GALNT15: variants seen among roughly 807,000 people sequenced by gnomAD.
The protein encoded by GALNT15 is UDP-GalNAc transferase T15.
GALNT15 carries 67 observed loss-of-function variants against 66.8 expected under a neutral mutation model. That is an observed-to-expected ratio of 1.00 (90% CI 0.82 to 1.23). The LOEUF (loss-of-function observed/expected upper bound fraction) is 1.23, where lower values mean the gene tolerates loss of function less well. GALNT15 is among the 50% of genes most tolerant of loss of function. The pLI is 0.00. For missense variants in GALNT15, 827 were observed against 804.3 expected (o/e 1.03, Z -0.34); for synonymous variants, 313 against 311.5 (o/e 1.00, Z -0.05).
chr3:16,176,553 T>G lies in GALNT15; in HGVS notation c.539+863T>G, dbSNP rs1416852220. Among the ~76,000 whole-genome samples the G allele has an allele frequency of 1.3e-5, 2 of 152,192 alleles. No individual in the cohort carries two copies. The highest frequency in any genetic ancestry group is 2.4e-5 in the African/African-American group (1 of 41,454). Reference sequence around the variant, plus strand: ...CAGGAGGTAAGCTGAGAAGTGTAGGTGATGGGCAGAGCTGTGCCCAGGGAG... The same window carrying G: ...CAGGAGGTAAGCTGAGAAGTGTAGGGGATGGGCAGAGCTGTGCCCAGGGAG... On this transcript the variant is annotated intron_variant, in intron 1 of 9. Transcript: ENST00000339732. The surrounding 1 kb of genome is among the most constrained non-coding windows in gnomAD (Gnocchi z 5.6).
rs1441269350 is a variant in GALNT15, at chr3:16,200,757, T to A, written c.845T>A (p.Met282Lys). Residue 282 changes from methionine to lysine, a missense_variant, in exon 3 of 10, where the codon ATG becomes AAG. Physicochemically the swap from Met to Lys is moderately conservative, Grantham distance 95. Coordinates refer to ENST00000339732, the MANE Select transcript of GALNT15 (RefSeq NM_054110.5). The surrounding 1 kb of genome is among the most constrained non-coding windows in gnomAD (Gnocchi z 4.4). ...TRATGDVLVF[M>K]DAHCECHPGW... Reference sequence around the variant, plus strand: ...GCCACCGGGGATGTGCTCGTCTTCATGGATGCCCACTGCGAGTGCCACCCA... The same window carrying A: ...GCCACCGGGGATGTGCTCGTCTTCAAGGATGCCCACTGCGAGTGCCACCCA... The A allele has an allele frequency of 2.5e-6, 4 of 1,612,846 alleles. No homozygotes were observed. Among genetic ancestry groups the A allele is most frequent in the Non-Finnish European group, 3.4e-6 (4 of 1,179,490 alleles).
chr3:16,192,233 C>A (rs12486009), intron 1 of GALNT15, among the ~76,000 whole-genome samples: 11,081 of 152,278 alleles, frequency 0.073, 585 homozygotes, highest in South Asian at 0.23. Flanking sequence ...GTGCATAACA[C>A]ACACTTGTGT....
the GALNT15 span, among the ~76,000 whole-genome samples, chr3:16,246,628 G>C: frequency 6.6e-6 from 1 of 152,014 alleles, no homozygotes; most frequent in Non-Finnish European, 1.5e-5. Flanking sequence ...AGCCTGAAAA[G>C]GATTTTAAAT....
chr3:16,203,330 A>G lies in GALNT15; in HGVS notation c.911+2507A>G, dbSNP rs2063721224. ...GGCCCCATTTCCCAGAGCTAGGTGA[A>G]GGTAGAAAGACGTGGCACTACCTCA... is the stretch of plus-strand genomic sequence containing the variant. On this transcript the variant is annotated intron_variant, in intron 3 of 9. Coordinates refer to ENST00000339732, the MANE Select transcript of GALNT15 (RefSeq NM_054110.5). The surrounding 1 kb of genome is among the most constrained non-coding windows in gnomAD (Gnocchi z 6.2). Among the ~76,000 whole-genome samples, 2 of 152,014 alleles carry G rather than the reference A, an allele frequency of 1.3e-5. No individual in the cohort carries two copies. The highest frequency in any genetic ancestry group is 2.9e-5 in the Non-Finnish European group (2 of 68,010).
At chr3:16,226,452 T>C (rs942649432) in intron 9 of GALNT15, among the ~76,000 whole-genome samples, 3 of 152,014 alleles carry the variant, frequency 2.0e-5, no homozygotes, top group African/African-American at 4.8e-5. Flanking sequence ...ACAGGAAGCA[T>C]GGCTGAGGAG....
chr3:16,233,257 G>T (rs1263605421), downstream of GALNT15, among the ~76,000 whole-genome samples: 3 of 151,548 alleles, frequency 2.0e-5, no homozygotes, highest in African/African-American at 7.3e-5. Flanking sequence ...ACCACGCCTG[G>T]CTAATTTTTG....
chr3:16,224,566 G>A lies in GALNT15; in HGVS notation c.1773+1808G>A, dbSNP rs1048598612. On this transcript the variant is annotated intron_variant, in intron 9 of 9. Transcript: ENST00000339732. The surrounding 1 kb of genome is among the most constrained non-coding windows in gnomAD (Gnocchi z 5.2). The stretch of plus-strand genomic sequence containing the variant: ...TTATAGAGTTTCACTTTTACAAGAT[G>A]AAAAAGTTCTGGATATCTGTTTCAT... 2.6e-5 allele frequency among the ~76,000 whole-genome samples: 4 copies of A among 151,368 alleles called. No homozygotes were observed. The highest frequency in any genetic ancestry group is 9.7e-5 in the African/African-American group (4 of 41,154).
At chr3:16,206,710 C>T (rs1347028458) in intron 3 of GALNT15, among the ~76,000 whole-genome samples, 1 of 138,746 alleles carries the variant, frequency 7.2e-6, no homozygotes, top group African/African-American at 2.7e-5. Flanking sequence ...GAAAGAAATA[C>T]ACAGCATAGA....
Position 16,199,556 on chromosome 3 carries a change from G to A in GALNT15, c.707-1063G>A, listed in dbSNP as rs185809720. 1.1e-3 allele frequency among the ~76,000 whole-genome samples: 163 copies of A among 142,450 alleles called. 24 individuals are homozygous for A. The highest frequency in any genetic ancestry group is 3.9e-3 in the African/African-American group (151 of 38,346). The allele number at this position is 142,450 out of a possible 152,430, so 93.5% of individuals were successfully genotyped here. On this transcript the variant is annotated intron_variant, in intron 2 of 9. Coordinates refer to ENST00000339732, the MANE Select transcript of GALNT15 (RefSeq NM_054110.5). Reference sequence around the variant, plus strand: ...TCCTGAAAGCAGGGCCTGAGATGGAGATTCACGTGCATTTGATTTTTTTGA... The same window carrying A: ...TCCTGAAAGCAGGGCCTGAGATGGAAATTCACGTGCATTTGATTTTTTTGA...
In GALNT15 at chr3:16,175,211, C is replaced by G; in HGVS notation, c.60C>G (p.Leu20=). ...GCAGACTCCAGTTCCTCCTGCTGCT[C>G]CTGATGCTGGGATGCGTCCTGATGA... ...RPCRLQFLLL[L]LMLGCVLMMV... Residue 20 remains leucine, a synonymous_variant, in exon 1 of 10, where the codon CTC becomes CTG. Transcript: ENST00000339732. The surrounding 1 kb of genome is among the most constrained non-coding windows in gnomAD (Gnocchi z 5.6). The G allele has an allele frequency of 6.2e-7, 1 of 1,614,182 alleles. No homozygotes were observed. The highest frequency in any genetic ancestry group is 8.5e-7 in the Non-Finnish European group (1 of 1,180,040).
chr3:16,244,848 G>C, the GALNT15 span, among the ~76,000 whole-genome samples: 1 of 152,186 alleles, frequency 6.6e-6, no homozygotes, highest in Non-Finnish European at 1.5e-5. Flanking sequence ...TAACTCCAAA[G>C]TTCAGTAAGG....
chr3:16,179,400 T>C (rs138053928), intron 1 of GALNT15, among the ~76,000 whole-genome samples: 3 of 152,280 alleles, frequency 2.0e-5, no homozygotes, highest in Non-Finnish European at 2.9e-5. Flanking sequence ...GCAAGTCACA[T>C]GGGCTGGAAG....
rs2124844319 is a variant in GALNT15, at chr3:16,185,124, C to T, written c.539+9434C>T. ...TTTCATTCATCTTTCAGTCCTAACA[C>T]ATAATAGGCTGTCAATAAATATCTG... is the stretch of plus-strand genomic sequence containing the variant. On this transcript the variant is annotated intron_variant, in intron 1 of 9. Transcript: ENST00000339732. Among the ~76,000 whole-genome samples the T allele has an allele frequency of 2.0e-5, 3 of 152,280 alleles. No individual in the cohort carries two copies. In the Middle Eastern group the frequency reaches 0.01, roughly 518 times the overall value.
chr3:16,179,848 C>T (rs1230964012), intron 1 of GALNT15, among the ~76,000 whole-genome samples: 6 of 152,070 alleles, frequency 3.9e-5, no homozygotes, highest in Admixed American at 2.6e-4. Context: ...ATGATGGAAC[C>T]GCAAACAGGA....
chr3:16,199,464 T>C (rs2063675956), intron 2 of GALNT15, among the ~76,000 whole-genome samples: 1 of 142,212 alleles, frequency 7.0e-6, no homozygotes, highest in Non-Finnish European at 1.6e-5. Context: ...ACCAATCTCC[T>C]ACCAGCTGCC....
chr3:16,241,629 A>G, the GALNT15 span, among the ~76,000 whole-genome samples: 1 of 151,980 alleles, frequency 6.6e-6, no homozygotes, highest in Non-Finnish European at 1.5e-5. The surrounding 1 kb of genome is among the most constrained non-coding windows in gnomAD (Gnocchi z 4.6). Context: ...GCTCACTGCA[A>G]CCTCTGCCTC....
chr3:16,238,855 G>A, the GALNT15 span, among the ~76,000 whole-genome samples: 1 of 152,212 alleles, frequency 6.6e-6, no homozygotes, highest in Non-Finnish European at 1.5e-5. The surrounding 1 kb of genome is among the most constrained non-coding windows in gnomAD (Gnocchi z 4.8). Context: ...CAGGTACAAG[G>A]AGCAGAATAA....
chr3:16,232,698 G>T (rs1342695528), downstream of GALNT15, among the ~76,000 whole-genome samples: 2 of 150,962 alleles, frequency 1.3e-5, no homozygotes, highest in Non-Finnish European at 3.0e-5. Flanking sequence ...TGATCCGCTG[G>T]CTCCAGTTTG....
rs1195807871 is a variant in GALNT15, at chr3:16,193,096, C to T, written c.540-2664C>T. 2.6e-5 allele frequency among the ~76,000 whole-genome samples: 4 copies of T among 151,986 alleles called. No individual in the cohort carries two copies. Among genetic ancestry groups the T allele is most frequent in the Non-Finnish European group, 5.9e-5 (4 of 67,982 alleles). On this transcript the variant is annotated intron_variant, in intron 1 of 9. Transcript: ENST00000339732. This position sits in a 1 kb window ranked among gnomAD's most constrained non-coding sequence, Gnocchi z 4.7. ...CTCTCAGTTTCTTGTCAGTCTTAAA[C>T]GATTTCAAAATAAAAAGTGGTAAAG...
Sources: gnomAD v4.1 joint callset for allele counts (sites outside exome capture counted in the v4.1 genomes callset) on GRCh38, gnomAD v4.1.1 for gene constraint, Gnocchi (gnomAD v3.1) non-coding constraint, MANE v1.5 for transcripts, NCBI Gene and HGNC (gene_info 2026-07-23, HGNC 2026-07-21) for gene names.